CNTNAP2: variants seen among roughly 807,000 people sequenced by gnomAD.
CNTNAP2 encodes contactin associated protein 2.
CNTNAP2 carries 98 observed loss-of-function variants against 155.2 expected under a neutral mutation model. The observed-to-expected ratio is 0.63, with a 90% CI of 0.54 to 0.75. The LOEUF (loss-of-function observed/expected upper bound fraction) is 0.75. Among genes scored for constraint, CNTNAP2 ranks in the 30% least tolerant of loss-of-function variants. The probability of loss-of-function intolerance (pLI) is 0.00; values close to 1 mark genes in which losing one functional copy is unlikely to be tolerated. For missense variants in CNTNAP2, 1,727 were observed against 1,688.1 expected, an observed-to-expected ratio of 1.02 and a Z score of -0.40; for synonymous variants, 651 against 631.2, an observed-to-expected ratio of 1.03 and a Z score of -0.47.
At chr7:147,755,683 G>A (rs1312639081) in intron 13 of CNTNAP2, among the ~76,000 whole-genome samples, 1 of 152,132 alleles carries the variant, frequency 6.6e-6, no homozygotes, top group Non-Finnish European at 1.5e-5. Flanking sequence ...AATATTGATA[G>A]CAAACAGTAG....
At chr7:146,151,478 G>C (rs1798036748) in intron 1 of CNTNAP2, among the ~76,000 whole-genome samples, 2 of 149,780 alleles carry the variant, frequency 1.3e-5, no homozygotes, top group Non-Finnish European at 3.0e-5. Flanking sequence ...ATATATAAAT[G>C]AGATCATGTG....
At chr7:147,535,843 G>C (rs1799528991) in intron 11 of CNTNAP2, among the ~76,000 whole-genome samples, 1 of 152,202 alleles carries the variant, frequency 6.6e-6, no homozygotes, top group African/African-American at 2.4e-5. Flanking sequence ...TTCCTAGTCT[G>C]CAGCAATGTA....
chr7:147,578,768 A>T (rs995555828), intron 12 of CNTNAP2, among the ~76,000 whole-genome samples: 3 of 152,096 alleles, frequency 2.0e-5, no homozygotes, highest in Non-Finnish European at 4.4e-5. Context: ...AGAAAACTAC[A>T]AAAGAAACCA....
chr7:147,070,681 A>T (rs1799873072), intron 4 of CNTNAP2, among the ~76,000 whole-genome samples: 1 of 152,210 alleles, frequency 6.6e-6, no homozygotes, highest in East Asian at 1.9e-4. Flanking sequence ...CAGGGAAAGA[A>T]GACAGGGATG....
intron 1 of CNTNAP2, among the ~76,000 whole-genome samples, chr7:146,237,465 G>A (rs1003168379): frequency 6.6e-6 from 1 of 152,136 alleles, no homozygotes; most frequent in African/African-American, 2.4e-5. Flanking sequence ...TTTGCATTGC[G>A]TCTTCAGTTT....
At chr7:146,858,787 A>T (rs1795041269) in intron 3 of CNTNAP2, among the ~76,000 whole-genome samples, 1 of 152,150 alleles carries the variant, frequency 6.6e-6, no homozygotes, top group Non-Finnish European at 1.5e-5. Context: ...ATCACATTTC[A>T]TTTTTTTGCA....
At chr7:147,390,821 C>T (rs1219216590) in intron 9 of CNTNAP2, among the ~76,000 whole-genome samples, 2 of 152,070 alleles carry the variant, frequency 1.3e-5, no homozygotes, top group Non-Finnish European at 2.9e-5. Flanking sequence ...TTTAAAATAA[C>T]ATAATTATAA....
intron 1 of CNTNAP2, among the ~76,000 whole-genome samples, chr7:146,532,975 G>A (rs1419095214): frequency 1.3e-5 from 2 of 151,610 alleles, no homozygotes; most frequent in African/African-American, 4.8e-5. Context: ...GGTGGTGTGT[G>A]CCTGTAATCC....
intron 21 of CNTNAP2, among the ~76,000 whole-genome samples, chr7:148,324,154 G>A (rs1364003434): frequency 6.6e-6 from 1 of 152,022 alleles, no homozygotes; most frequent in Non-Finnish European, 1.5e-5. Flanking sequence ...CAAAGTGCTA[G>A]GATTACAGAC....
chr7:146,418,698 T>A (rs1563076528), intron 1 of CNTNAP2, among the ~76,000 whole-genome samples: 2 of 152,136 alleles, frequency 1.3e-5, no homozygotes, highest in Non-Finnish European at 2.9e-5. Context: ...CAATGTTATA[T>A]AAAATACTAT....
intron 13 of CNTNAP2, among the ~76,000 whole-genome samples, chr7:147,792,292 C>T (rs1295550974): frequency 1.3e-5 from 2 of 152,128 alleles, no homozygotes; most frequent in African/African-American, 2.4e-5. Flanking sequence ...ATTTTAGAAT[C>T]GTTTCAGTAA....
At chr7:146,841,126 C>T (rs907712836) in intron 3 of CNTNAP2, among the ~76,000 whole-genome samples, 1 of 152,136 alleles carries the variant, frequency 6.6e-6, no homozygotes, top group African/African-American at 2.4e-5. Flanking sequence ...CCTTGTGTCC[C>T]AACCCCAGAG....
rs111431384 is a variant in CNTNAP2, at chr7:147,619,559, G to A, written c.1898-19547G>A. On this transcript the variant is annotated intron_variant, in intron 12 of 23. Transcript: ENST00000361727. ...AGGCTAGCAATATTCCCTGTGGCCC[G>A]TTGTGGTGATGACCACAGGGTGACA... Among the ~76,000 whole-genome samples, 701 of 152,316 alleles carry A rather than the reference G, an allele frequency of 4.6e-3. 8 individuals are homozygous for A. Among genetic ancestry groups the A allele is most frequent in the African/African-American group, 0.014 (589 of 41,564 alleles).
At chr7:147,356,142 A>C (rs1796058629) in intron 9 of CNTNAP2, among the ~76,000 whole-genome samples, 1 of 152,222 alleles carries the variant, frequency 6.6e-6, no homozygotes, top group Non-Finnish European at 1.5e-5. Context: ...TATGCAAATC[A>C]ATAAATGTAA....
At chr7:146,996,860 A>T (rs768758487) in intron 3 of CNTNAP2, among the ~76,000 whole-genome samples, 27 of 152,006 alleles carry the variant, frequency 1.8e-4, no homozygotes, top group Non-Finnish European at 3.8e-4. Context: ...CCGTGGGGAG[A>T]TAACGGAATC....
chr7:146,851,533 G>A (rs1305468459), intron 3 of CNTNAP2, among the ~76,000 whole-genome samples: 9 of 152,054 alleles, frequency 5.9e-5, no homozygotes, highest in Admixed American at 5.2e-4. Context: ...CAATATTGAG[G>A]GGTTGGCAGG....
intron 15 of CNTNAP2, among the ~76,000 whole-genome samples, chr7:148,106,493 G>GATAGAT (rs1490418389): frequency 1.6e-5 from 2 of 124,924 alleles, no homozygotes; most frequent in Non-Finnish European, 3.2e-5. Context: ...CACACTTTGA[G>GATAGAT]ATATATATAT....
intron 14 of CNTNAP2, among the ~76,000 whole-genome samples, chr7:147,951,972 G>A (rs1289002902): frequency 1.3e-5 from 2 of 151,612 alleles, no homozygotes; most frequent in Admixed American, 1.3e-4. Context: ...GAAAATAAAT[G>A]TTGTTATGAG....
At chr7:146,627,142 G>A (rs934573077) in intron 1 of CNTNAP2, among the ~76,000 whole-genome samples, 1 of 152,094 alleles carries the variant, frequency 6.6e-6, no homozygotes, top group African/African-American at 2.4e-5. Flanking sequence ...CTTGTACAGG[G>A]AAACTCCCAT....
Sources: allele counts gnomAD v4.1 joint callset (sites outside exome capture counted in the v4.1 genomes callset), GRCh38; gene constraint gnomAD v4.1.1; transcripts MANE v1.5; gene names NCBI Gene and HGNC (gene_info 2026-07-23, HGNC 2026-07-21).